Variants in SSBP3 observed in about 807,000 individuals in gnomAD.
SSBP3 encodes single stranded DNA binding protein 3.
SSBP3 carries 5 observed loss-of-function variants against 69.6 expected under a neutral mutation model. The observed-to-expected ratio is 0.07, with a 90% CI of 0.04 to 0.15. SSBP3 has a LOEUF of 0.15. SSBP3 is among the 10% of genes least tolerant of loss of function. The pLI is 1.00. For synonymous variants in SSBP3, 196 were observed against 193.4 expected, an observed-to-expected ratio of 1.01 and a Z score of -0.11; for missense variants, 312 against 534.0, an observed-to-expected ratio of 0.58 and a Z score of 4.10.
chr1:54,388,733 C>G (rs548912053), intron 4 of SSBP3, among the ~76,000 whole-genome samples: 10 of 152,336 alleles, frequency 6.6e-5, no homozygotes, highest in Non-Finnish European at 1.3e-4. Context: ...CAGGCTCTTA[C>G]ACCCTCAGTG....
intron 14 of SSBP3, among the ~76,000 whole-genome samples, chr1:54,233,190 G>C (rs1644413490): frequency 6.6e-6 from 1 of 151,486 alleles, no homozygotes; most frequent in Admixed American, 6.6e-5. Context: ...TCTCTGCCCG[G>C]CCACCCATCG....
At chr1:54,271,484 G>A (rs1039731612) in intron 5 of SSBP3, among the ~76,000 whole-genome samples, 12 of 152,232 alleles carry the variant, frequency 7.9e-5, no homozygotes, top group African/African-American at 2.9e-4. Flanking sequence ...CTGCGCGACT[G>A]TTCCTACAGC....
intron 4 of SSBP3, among the ~76,000 whole-genome samples, chr1:54,327,222 AAG>A (rs1646322990): frequency 1.6e-5 from 1 of 60,958 alleles, no homozygotes; most frequent in African/African-American, 5.2e-5. Context: ...AGGGAAAAGG[AAG>A]GAAGGAAGGA....
intron 5 of SSBP3, among the ~76,000 whole-genome samples, chr1:54,279,806 T>A (rs547522855): frequency 1.3e-5 from 2 of 152,354 alleles, no homozygotes; most frequent in East Asian, 3.9e-4. Context: ...ATTTCCTCCC[T>A]GGGAGAAGGA....
chr1:54,255,875 C>G (rs1644912456), intron 7 of SSBP3, among the ~76,000 whole-genome samples: 1 of 152,152 alleles, frequency 6.6e-6, no homozygotes, highest in African/African-American at 2.4e-5. Context: ...GAGTTTGAGA[C>G]CAGCTGGCCA....
At chr1:54,241,586 A>T in intron 11 of SSBP3, 77 bp from the exon 12 acceptor site, 1 of 1,490,122 alleles carries the variant, frequency 6.7e-7, no homozygotes, top group Non-Finnish European at 9.3e-7. Context: ...TGAGGACACG[A>T]CCCACTCTTC....
chr1:54,352,540 C>A (rs552807075), intron 4 of SSBP3, among the ~76,000 whole-genome samples: 23 of 152,316 alleles, frequency 1.5e-4, no homozygotes, highest in African/African-American at 5.5e-4. Flanking sequence ...ACCTCCCAGC[C>A]TCCAGAAGAG....
At chr1:54,278,904 C>G (rs1645339629) in intron 5 of SSBP3, among the ~76,000 whole-genome samples, 1 of 152,272 alleles carries the variant, frequency 6.6e-6, no homozygotes, top group Non-Finnish European at 1.5e-5. Flanking sequence ...GCAGGGCCAG[C>G]AATCAATAGC....
intron 4 of SSBP3, among the ~76,000 whole-genome samples, chr1:54,348,258 G>GGGGGGGGGGGGGGGGGGGGGGGGA (rs1646723569): frequency 8.2e-6 from 1 of 121,926 alleles, no homozygotes; most frequent in African/African-American, 3.0e-5. Context: ...GGGGGGGGGG[G>GGGGGGGGGGGGGGGGGGGGGGGGA]GGCGGGTGAG....
At chr1:54,260,642 C>A (rs1018491587) in intron 5 of SSBP3, among the ~76,000 whole-genome samples, 2 of 152,212 alleles carry the variant, frequency 1.3e-5, no homozygotes, top group Non-Finnish European at 2.9e-5. Context: ...AGAGGTGGCA[C>A]AAGCTTGCTC....
At chr1:54,316,498 G>A (rs1282569073) in intron 4 of SSBP3, among the ~76,000 whole-genome samples, 16 of 147,078 alleles carry the variant, frequency 1.1e-4, no homozygotes, top group African/African-American at 1.5e-4. Flanking sequence ...AAAATTAGCC[G>A]GGCGCGGTGG....
chr1:54,303,206 A>G (rs568374936), intron 4 of SSBP3, among the ~76,000 whole-genome samples: 3 of 152,340 alleles, frequency 2.0e-5, no homozygotes, highest in South Asian at 4.1e-4. Flanking sequence ...AAGAGAGCAG[A>G]GATGAGCTTG....
At chr1:54,295,047 C>G (rs1270190580) in intron 4 of SSBP3, among the ~76,000 whole-genome samples, 4 of 152,168 alleles carry the variant, frequency 2.6e-5, no homozygotes. Flanking sequence ...AGACAAACCA[C>G]AGAGCAAGCC....
exon 9 of SSBP3, chr1:54,251,636 G>A: frequency 1.9e-6 from 3 of 1,551,900 alleles, no homozygotes; most frequent in Non-Finnish European, 2.6e-6. Flanking sequence ...GGACCCATGG[G>A]CCCCATGCCT....
intron 4 of SSBP3, among the ~76,000 whole-genome samples, chr1:54,391,996 G>T (rs890009104): frequency 1.3e-5 from 2 of 151,402 alleles, no homozygotes; most frequent in African/African-American, 4.9e-5. Context: ...CCGCTATTAA[G>T]AAGAGTGTCC....
chr1:54,225,501 A>C, exon 18 of SSBP3: 3 of 1,113,546 alleles, frequency 2.7e-6, no homozygotes, highest in Non-Finnish European at 2.3e-6. Context: ...AATGTATCAT[A>C]ATTACTTTTT....
Position 54,262,386 on chromosome 1 carries a change from G to A in SSBP3, c.367-4237C>T, listed in dbSNP as rs554155382. On this transcript the variant is annotated intron_variant, in intron 5 of 17. Coordinates refer to ENST00000610401, the Ensembl canonical transcript of SSBP3. Reference sequence around the variant, plus strand: ...GTAGCCCATCATTCTACAAGACTGCGAGCAGCACCTCCGTGTCATCTGTCA... The same window carrying A: ...GTAGCCCATCATTCTACAAGACTGCAAGCAGCACCTCCGTGTCATCTGTCA... Among the ~76,000 whole-genome samples, 7 of 152,238 alleles carry A rather than the reference G, an allele frequency of 4.6e-5. No individual in the cohort carries two copies. The East Asian group carries it at 5.8e-4, about 13-fold the overall frequency.
In SSBP3 at chr1:54,228,843, G is replaced by A. The variant is rs1338146853; in HGVS notation, c.928-17C>T. On this transcript the variant is annotated splice_polypyrimidine_tract_variant and intron_variant, in intron 14 of 17. Coordinates refer to ENST00000610401, the Ensembl canonical transcript of SSBP3. ...CATCGGGAACTGGGGAAGAAGCACA[G>A]GGCATGGCAGCTCAGCGGGCCCTGG... The A allele has an allele frequency of 1.9e-6, 3 of 1,609,860 alleles. No individual in the cohort carries two copies. Among genetic ancestry groups the A allele is most frequent in the Admixed American group, 1.7e-5 (1 of 59,626 alleles).
chr1:54,291,942 C>A (rs560467320), intron 4 of SSBP3, among the ~76,000 whole-genome samples: 1 of 152,308 alleles, frequency 6.6e-6, no homozygotes, highest in South Asian at 2.1e-4. Context: ...GTCTGGAGCC[C>A]CTGGAAGGCT....
Sources: gnomAD v4.1 joint callset for allele counts (sites outside exome capture counted in the v4.1 genomes callset) on GRCh38, gnomAD v4.1.1 for gene constraint, MANE v1.5 for transcripts, NCBI Gene and HGNC (gene_info 2026-07-23, HGNC 2026-07-21) for gene names.